INPP5D: variants seen among roughly 807,000 people sequenced by gnomAD.
INPP5D encodes the protein phosphatidylinositol 3,4,5-trisphosphate 5-phosphatase 1.
Under a neutral mutation model 122.9 loss-of-function variants are expected in INPP5D, and 33 were observed. The ratio of observed to expected loss-of-function variants is 0.27; its 90% confidence interval spans 0.20 to 0.36. INPP5D has a LOEUF of 0.36. Ranked by LOEUF, INPP5D falls within the 10% of genes least tolerant of loss-of-function variation. The pLI is 1.00. For synonymous variants in INPP5D, 584 were observed against 576.2 expected (o/e 1.01, Z -0.19); for missense variants, 1,053 against 1,412.7 (o/e 0.75, Z 4.08).
intron 2 of INPP5D, among the ~76,000 whole-genome samples, chr2:233,119,635 T>C (rs534251433): frequency 6.6e-6 from 1 of 152,186 alleles, no homozygotes; most frequent in South Asian, 2.1e-4. Context: ...CGCCCAGGCA[T>C]AGACTTACAT....
At chr2:233,167,010 A>G (rs901688260) in intron 13 of INPP5D, among the ~76,000 whole-genome samples, 2 of 151,530 alleles carry the variant, frequency 1.3e-5, no homozygotes, top group African/African-American at 4.9e-5. Flanking sequence ...CCTTAGAACA[A>G]CCAAGGCCTT....
At position 233,105,973 on chromosome 2, in the gene INPP5D, T is replaced by C. The variant is rs576311497; in HGVS notation, c.199-16134T>C. On this transcript the variant is annotated intron_variant, in intron 2 of 26. Transcript: ENST00000445964. The surrounding 1 kb of genome is among the most constrained non-coding windows in gnomAD (Gnocchi z 4.0). ...TGAGCATGTGGAACTTGACGATTTG[T>C]CCCTATTGGCAGATACTGATGATAA... 6.6e-6 allele frequency among the ~76,000 whole-genome samples: 1 copy of C among 152,290 alleles called. No homozygotes were observed. The highest frequency in any genetic ancestry group is 1.5e-5 in the Non-Finnish European group (1 of 68,016).
At chr2:233,112,167 A>G (rs1022416650) in intron 2 of INPP5D, among the ~76,000 whole-genome samples, 1 of 151,838 alleles carries the variant, frequency 6.6e-6, no homozygotes, top group Non-Finnish European at 1.5e-5. Context: ...AGTCATTACT[A>G]TGATGATTGC....
chr2:233,102,166 A>G (rs1443643123), intron 2 of INPP5D, among the ~76,000 whole-genome samples: 1 of 152,226 alleles, frequency 6.6e-6, no homozygotes, highest in African/African-American at 2.4e-5. Flanking sequence ...TGGAGCTAAG[A>G]TTGACATTCG....
intron 2 of INPP5D, among the ~76,000 whole-genome samples, chr2:233,098,493 CT>C (rs1411954639): frequency 6.6e-6 from 1 of 152,166 alleles, no homozygotes; most frequent in Non-Finnish European, 1.5e-5. Flanking sequence ...TAGTTCTGGT[CT>C]TCTTTAACGT....
At chr2:233,200,289 G>A (rs967917875) in intron 25 of INPP5D, among the ~76,000 whole-genome samples, 1 of 152,234 alleles carries the variant, frequency 6.6e-6, no homozygotes, top group Non-Finnish European at 1.5e-5. Flanking sequence ...ATACACAAGT[G>A]GGGAGCTCTA....
chr2:233,187,919 T>C (rs2106318455), intron 21 of INPP5D, among the ~76,000 whole-genome samples: 1 of 152,136 alleles, frequency 6.6e-6, no homozygotes, highest in Middle Eastern at 3.4e-3. Flanking sequence ...CACAACATGT[T>C]CACCCCCTGG....
In INPP5D at chr2:233,158,364, T is replaced by G. The variant is rs1401665282; in HGVS notation, c.1082T>G (p.Val361Gly). The stretch of plus-strand genomic sequence containing the variant: ...TTTCTGAATAAGTTGGTGATCTTGG[T>G]GGAAACAGAGAAGGAGAAGATCCTG... ...QKFLNKLVIL[V>G]ETEKEKILRK... Residue 361 changes from valine (V) to glycine (G), a missense_variant, in exon 10 of 27, where the codon GTG becomes GGG. Val to Gly is a moderately radical substitution (Grantham distance 109, BLOSUM62 -3). This residue lies in a region of INPP5D where 105 missense variants were observed against 199.8 expected (regional missense o/e 0.53). Coordinates refer to ENST00000445964, the MANE Select transcript of INPP5D (RefSeq NM_001017915.3). 8 of 703,868 alleles carry G rather than the reference T, an allele frequency of 1.1e-5. No homozygotes were observed. The highest frequency in any genetic ancestry group is 2.1e-5 in the Non-Finnish European group (8 of 384,958). 43.6% of individuals were successfully genotyped at this position (703,868 alleles called of 1,614,324 possible).
chr2:233,164,478 C>G lies in INPP5D; in HGVS notation c.1555+54C>G. 1 of 1,493,262 alleles carries G rather than the reference C, an allele frequency of 6.7e-7. No individual in the cohort carries two copies. The highest frequency in any genetic ancestry group is 2.1e-5 in the Admixed American group (1 of 48,306). 92.5% of individuals were successfully genotyped at this position (1,493,262 alleles called of 1,614,324 possible). A position where few individuals can be genotyped will look rare whatever the true frequency, so the allele number is the denominator to read the frequency against. ...CCCACACCCTCTGCCTCAACTCTCGCGACCACATCATCCTGATCCCACCAG... is the reference window on the plus strand; with the variant it reads ...CCCACACCCTCTGCCTCAACTCTCGGGACCACATCATCCTGATCCCACCAG... On this transcript the variant is annotated intron_variant, in intron 13 of 26. Transcript: ENST00000445964. This position sits in a 1 kb window ranked among gnomAD's most constrained non-coding sequence, Gnocchi z 4.3.
intron 14 of INPP5D, 184 bp from the exon 15 acceptor site, chr2:233,169,842 G>A: frequency 1.7e-6 from 2 of 1,148,796 alleles, no homozygotes; most frequent in Non-Finnish European, 2.5e-6. Context: ...AATGCCCTTT[G>A]CATCCTGGCT....
At chr2:233,108,546 G>T (rs1041550408) in intron 2 of INPP5D, among the ~76,000 whole-genome samples, 12 of 152,132 alleles carry the variant, frequency 7.9e-5, no homozygotes, top group African/African-American at 2.4e-4. Flanking sequence ...ACGAGATGAG[G>T]TCTTGCGATG....
intron 13 of INPP5D, among the ~76,000 whole-genome samples, chr2:233,167,517 G>T (rs1421713375): frequency 1.3e-5 from 2 of 152,196 alleles, no homozygotes; most frequent in African/African-American, 4.8e-5. Context: ...AGGCTGTCGG[G>T]ACTGGAACCA....
rs1328987168 is a variant in INPP5D, at chr2:233,100,205, C to T, written c.198+20807C>T. ...TGTCACCATCCCCACCTCGCCCTGT[C>T]GCCTCACTCGCAGCCTGTTCCACTC... On this transcript the variant is annotated intron_variant, in intron 2 of 26. Coordinates refer to ENST00000445964, the MANE Select transcript of INPP5D (RefSeq NM_001017915.3). This position sits in a 1 kb window ranked among gnomAD's most constrained non-coding sequence, Gnocchi z 5.3. Among the ~76,000 whole-genome samples the T allele has an allele frequency of 2.6e-5, 4 of 152,174 alleles. No individual in the cohort carries two copies. The highest frequency in any genetic ancestry group is 2.9e-5 in the Non-Finnish European group (2 of 68,030).
At chr2:233,097,467 G>A (rs1259126543) in intron 2 of INPP5D, among the ~76,000 whole-genome samples, 1 of 152,034 alleles carries the variant, frequency 6.6e-6, no homozygotes, top group Non-Finnish European at 1.5e-5. Flanking sequence ...TTGAGATCAT[G>A]GTTTCTCTCT....
intron 25 of INPP5D, 108 bp downstream of exon 25, chr2:233,198,484 C>T: frequency 6.9e-7 from 1 of 1,451,304 alleles, no homozygotes; most frequent in Non-Finnish European, 9.1e-7. Context: ...AATTTGTGTC[C>T]ACTTGGCTCA....
At chr2:233,171,610 T>A (rs988913451) in intron 17 of INPP5D, among the ~76,000 whole-genome samples, 2 of 152,200 alleles carry the variant, frequency 1.3e-5, no homozygotes, top group African/African-American at 4.8e-5. Context: ...CCAATTAATG[T>A]CTTATGAGGC....
chr2:233,120,002 C>A (rs368152504), intron 2 of INPP5D, among the ~76,000 whole-genome samples: 1 of 152,238 alleles, frequency 6.6e-6, no homozygotes, highest in Non-Finnish European at 1.5e-5. Flanking sequence ...CACGCTCAGG[C>A]CAGATGCCAC....
intron 2 of INPP5D, among the ~76,000 whole-genome samples, chr2:233,083,076 A>G (rs1171337584): frequency 6.6e-6 from 1 of 152,228 alleles, no homozygotes; most frequent in Non-Finnish European, 1.5e-5. Flanking sequence ...AGGTGCCCCT[A>G]GAATGAAAGC....
chr2:233,109,502 G>T (rs752008577), intron 2 of INPP5D, among the ~76,000 whole-genome samples: 5 of 152,216 alleles, frequency 3.3e-5, no homozygotes, highest in Admixed American at 6.5e-5. Flanking sequence ...GAAACCTTCA[G>T]AAGTATATAG....
Sources: allele counts gnomAD v4.1 joint callset (sites outside exome capture counted in the v4.1 genomes callset), GRCh38; gene constraint gnomAD v4.1.1; regional missense constraint gnomAD v4.1.1; non-coding constraint Gnocchi (gnomAD v3.1); transcripts MANE v1.5; gene names NCBI Gene and HGNC (gene_info 2026-07-23, HGNC 2026-07-21).